The following SUCLG2 variants were observed in gnomAD, a reference collection of about 807,000 sequenced individuals.
SUCLG2 encodes the protein succinate--CoA ligase [GDP-forming] subunit beta, mitochondrial.
A neutral mutation model predicts 47.9 loss-of-function variants in SUCLG2; 42 were observed. The observed-to-expected ratio is 0.88, with a 90% CI of 0.69 to 1.14. The LOEUF is 1.14. Among genes scored for constraint, SUCLG2 ranks in the 50% most tolerant of loss-of-function variants. The pLI, the probability that SUCLG2 is intolerant of heterozygous loss-of-function variation, is 0.00. For synonymous variants in SUCLG2, 195 were observed against 197.3 expected (o/e 0.99, Z 0.10); for missense variants, 571 against 525.9 (o/e 1.09, Z -0.84).
At chr3:67,393,652 C>G (rs150406741) in intron 10 of SUCLG2, among the ~76,000 whole-genome samples, 1,961 of 152,332 alleles carry the variant, frequency 0.013, 23 homozygotes, top group Non-Finnish European at 0.019. Context: ...CCCTGTCTGA[C>G]AGCTTTGAAG....
intron 2 of SUCLG2, among the ~76,000 whole-genome samples, chr3:67,577,074 C>T (rs1017498975): frequency 5.3e-5 from 8 of 152,178 alleles, no homozygotes; most frequent in African/African-American, 1.9e-4. Context: ...GTGGCTCACA[C>T]CTGTAATCCC....
rs185777183 is a variant in SUCLG2 at position 67,567,343 on chromosome 3, T to C, written c.227-38157A>G. The stretch of plus-strand genomic sequence containing the variant: ...CAGGGTATGGCTCTGTCACCCAGGA[T>C]AGAGTACAGTGATGTAATCATGGCT... On this transcript the variant is annotated intron_variant, in intron 2 of 10. Coordinates refer to ENST00000307227, the MANE Select transcript of SUCLG2 (RefSeq NM_003848.4). Among the ~76,000 whole-genome samples, 699 of 151,876 alleles carry C rather than the reference T, an allele frequency of 4.6e-3. 3 individuals are homozygous for C. The highest frequency in any genetic ancestry group is 7.6e-3 in the Non-Finnish European group (516 of 67,954).
intron 6 of SUCLG2, among the ~76,000 whole-genome samples, chr3:67,517,996 A>C (rs1446251378): frequency 3.3e-5 from 5 of 152,238 alleles, no homozygotes; most frequent in Admixed American, 3.3e-4. Flanking sequence ...ACCATCTATC[A>C]TGAAGTGTAT....
chr3:67,628,660 T>G (rs759075528), intron 1 of SUCLG2, among the ~76,000 whole-genome samples: 2 of 152,116 alleles, frequency 1.3e-5, no homozygotes, highest in Non-Finnish European at 2.9e-5. Context: ...TCTCATGAGA[T>G]CTGATGGTTT....
intron 6 of SUCLG2, among the ~76,000 whole-genome samples, chr3:67,509,217 C>T (rs1705721355): frequency 6.6e-6 from 1 of 152,134 alleles, no homozygotes; most frequent in Non-Finnish European, 1.5e-5. Context: ...ATATAAATTA[C>T]AATCATTAAT....
chr3:67,507,696 G>A (rs1705675024), intron 7 of SUCLG2, among the ~76,000 whole-genome samples: 2 of 152,214 alleles, frequency 1.3e-5, no homozygotes, highest in Non-Finnish European at 1.5e-5. Context: ...ATGTGCTAAG[G>A]AGAAAATATT....
chr3:67,385,774 G>T (rs920776347), intron 10 of SUCLG2, among the ~76,000 whole-genome samples: 1 of 152,186 alleles, frequency 6.6e-6, no homozygotes, highest in African/African-American at 2.4e-5. Flanking sequence ...TAATACTTTT[G>T]TTTCCTCAGT....
intron 4 of SUCLG2, among the ~76,000 whole-genome samples, chr3:67,523,780 T>C (rs977359994): frequency 6.6e-6 from 1 of 152,186 alleles, no homozygotes; most frequent in East Asian, 1.9e-4. Context: ...ACTGGCATAA[T>C]ACTGTTCATT....
At chr3:67,590,564 C>A (rs1708133244) in intron 2 of SUCLG2, among the ~76,000 whole-genome samples, 1 of 152,184 alleles carries the variant, frequency 6.6e-6, no homozygotes, top group South Asian at 2.1e-4. Context: ...CCACCTCCCA[C>A]TCGTGCTCCC....
intron 1 of SUCLG2, among the ~76,000 whole-genome samples, chr3:67,614,959 C>A (rs1185336856): frequency 1.3e-5 from 2 of 152,124 alleles, no homozygotes; most frequent in African/African-American, 2.4e-5. Flanking sequence ...AGGTGGGCAC[C>A]TAGGTTTTGT....
chr3:67,428,743 G>A (rs1703377582), intron 9 of SUCLG2, among the ~76,000 whole-genome samples: 1 of 152,166 alleles, frequency 6.6e-6, no homozygotes, highest in Non-Finnish European at 1.5e-5. Context: ...AAACAGCATA[G>A]AGAAGACCTT....
At chr3:67,522,285 T>C (rs1023696474) in intron 4 of SUCLG2, among the ~76,000 whole-genome samples, 2 of 152,026 alleles carry the variant, frequency 1.3e-5, no homozygotes, top group Non-Finnish European at 2.9e-5. Flanking sequence ...ACTCAAGCAA[T>C]ACACTCGCCT....
chr3:67,395,058 C>T (rs546272283), intron 10 of SUCLG2, among the ~76,000 whole-genome samples: 26 of 152,168 alleles, frequency 1.7e-4, no homozygotes, highest in South Asian at 8.3e-4. Flanking sequence ...GTACCAGCCG[C>T]GGCAAAATCA....
intron 9 of SUCLG2, among the ~76,000 whole-genome samples, chr3:67,427,784 C>T (rs887324674): frequency 5.3e-5 from 8 of 152,200 alleles, no homozygotes; most frequent in African/African-American, 1.9e-4. Flanking sequence ...GCTTTTCCAA[C>T]AGTCTTAGCA....
chr3:67,616,952 C>A (rs1700641124), intron 1 of SUCLG2, among the ~76,000 whole-genome samples: 1 of 152,158 alleles, frequency 6.6e-6, no homozygotes, highest in Non-Finnish European at 1.5e-5. Flanking sequence ...ACAGGCATGG[C>A]AATGAAGGCA....
chr3:67,547,705 AG>A (rs1161545570), intron 2 of SUCLG2, among the ~76,000 whole-genome samples: 2 of 147,542 alleles, frequency 1.4e-5, no homozygotes, highest in Non-Finnish European at 2.9e-5. Flanking sequence ...CCTTATGCAA[AG>A]GGAACAATTT....
At position 67,374,946 on chromosome 3, in the gene SUCLG2, T is replaced by C. The variant is rs184552784; in HGVS notation, c.*798A>G. The stretch of plus-strand genomic sequence containing the variant: ...GAAGATAGTGATACTAAACACAATT[T>C]GATCTTCAGTGTTGTCTCATCTTGA... On this transcript the variant is annotated 3_prime_UTR_variant, in exon 11 of 11. Transcript: ENST00000307227. 78 of 985,748 alleles carry C rather than the reference T, an allele frequency of 7.9e-5. 1 individual carries two copies. The East Asian group carries it at 8.4e-3, about 106-fold the overall frequency. 61.1% of individuals were successfully genotyped at this position (985,748 alleles called of 1,614,324 possible). A position where few individuals can be genotyped will look rare whatever the true frequency, so the allele number is the denominator to read the frequency against.
At chr3:67,615,398 C>A (rs1005002923) in intron 1 of SUCLG2, among the ~76,000 whole-genome samples, 1 of 151,702 alleles carries the variant, frequency 6.6e-6, no homozygotes, top group African/African-American at 2.4e-5. Flanking sequence ...GAGCTCGACA[C>A]CCCTGAAAGG....
At chr3:67,455,053 T>A (rs1223853046) in intron 9 of SUCLG2, among the ~76,000 whole-genome samples, 1 of 151,924 alleles carries the variant, frequency 6.6e-6, no homozygotes, top group African/African-American at 2.4e-5. Context: ...ATCCCAAGAA[T>A]GTTTTATAGA....
Sources: gnomAD v4.1 joint callset for allele counts (sites outside exome capture counted in the v4.1 genomes callset) on GRCh38, gnomAD v4.1.1 for gene constraint, MANE v1.5 for transcripts, NCBI Gene and HGNC (gene_info 2026-07-23, HGNC 2026-07-21) for gene names.